Variants in TET1 observed in about 807,000 individuals in gnomAD.
TET1 encodes methylcytosine dioxygenase TET1.
TET1 carries 13 observed loss-of-function variants against 148.7 expected under a neutral mutation model. That is an observed-to-expected ratio of 0.09 (90% confidence interval 0.06 to 0.14). The LOEUF (loss-of-function observed/expected upper bound fraction) is 0.14. Ranked by LOEUF, TET1 falls within the 10% of genes least tolerant of loss-of-function variation. TET1 has a pLI of 1.00. For synonymous variants in TET1, 907 were observed against 937.2 expected (o/e 0.97, Z 0.59); for missense variants, 2,182 against 2,553.8 (o/e 0.85, Z 3.14).
intron 3 of TET1, chr10:68,632,513 AT>A: frequency 6.2e-7 from 1 of 1,613,012 alleles, no homozygotes; most frequent in South Asian, 1.1e-5. Flanking sequence ...GGCTTTGGAC[AT>A]TTTTTGTTCA....
intron 2 of TET1, among the ~76,000 whole-genome samples, chr10:68,580,307 T>C (rs1029575454): frequency 2.1e-5 from 3 of 145,556 alleles, no homozygotes; most frequent in African/African-American, 7.5e-5. Context: ...ATTTTTATTA[T>C]ATTCAATTTT....
At chr10:68,647,740 G>A (rs1165651895) in intron 4 of TET1, among the ~76,000 whole-genome samples, 3 of 152,144 alleles carry the variant, frequency 2.0e-5, no homozygotes, top group African/African-American at 4.8e-5. Context: ...TATAGAGAAT[G>A]TAAAACATAT....
rs751788677 is a variant in TET1, at chr10:68,652,520, G to T, written c.4387G>T (p.Ala1463Ser). The part of the protein sequence containing the change: ...MENRYGQKGN[A>S]IRIEIVVYTG... ...ACTCAGGTATGGTCAAAAAGGAAAC[G>T]CAATAAGGATAGAAATAGTAGTGTA... is the stretch of plus-strand genomic sequence containing the variant. The change falls in exon 6 of 12, where the codon GCA (alanine) becomes TCA (serine). Residue 1463 changes from alanine to serine, a missense_variant. Around this residue, in one of 11 missense-constraint regions of TET1, gnomAD observed 169 missense variants for 263.7 expected, o/e 0.64. Transcript: ENST00000373644. 3 of 1,610,642 alleles carry T rather than the reference G, an allele frequency of 1.9e-6. No individual in the cohort carries two copies. The highest frequency in any genetic ancestry group is 2.2e-5 in the East Asian group (1 of 44,730).
At chr10:68,623,341 G>T (rs1228929476) in intron 3 of TET1, among the ~76,000 whole-genome samples, 1 of 151,914 alleles carries the variant, frequency 6.6e-6, no homozygotes, top group Non-Finnish European at 1.5e-5. Context: ...TTATTCTATG[G>T]GCTATAAACT....
intron 3 of TET1, among the ~76,000 whole-genome samples, chr10:68,640,544 CTTTTTTTTTT>C (rs60460824): frequency 1.4e-3 from 61 of 42,884 alleles, no homozygotes; most frequent in Non-Finnish European, 1.8e-3. Context: ...TTCTTTCTTT[CTTTTTTTTTT>C]TTTTTTTTTT....
chr10:68,647,376 G>A (rs549583096), intron 4 of TET1, among the ~76,000 whole-genome samples: 2 of 152,196 alleles, frequency 1.3e-5, no homozygotes, highest in Non-Finnish European at 2.9e-5. Flanking sequence ...GGCCGAGTCA[G>A]ATGGATCACT....
intron 8 of TET1, among the ~76,000 whole-genome samples, chr10:68,676,634 C>T (rs983769641): frequency 6.6e-6 from 1 of 151,612 alleles, no homozygotes; most frequent in Admixed American, 6.6e-5. Context: ...AGGCTGGTCT[C>T]GAACTCCTGA....
chr10:68,679,999 C>T (rs116175625), intron 8 of TET1, among the ~76,000 whole-genome samples: 3 of 152,116 alleles, frequency 2.0e-5, no homozygotes, highest in Admixed American at 6.5e-5. Context: ...TAAACTACAA[C>T]GGCTAAGATA....
At chr10:68,629,378 A>C (rs985238940) in intron 3 of TET1, among the ~76,000 whole-genome samples, 1 of 151,938 alleles carries the variant, frequency 6.6e-6, no homozygotes, top group African/African-American at 2.4e-5. Context: ...AAATAATAAT[A>C]ATAATTAAAT....
intron 7 of TET1, 90 bp from the exon 8 acceptor site, chr10:68,672,805 C>A: frequency 1.9e-6 from 2 of 1,074,076 alleles, no homozygotes; most frequent in Non-Finnish European, 2.6e-6. Flanking sequence ...TTTAGGCATC[C>A]ATCCTTCTAA....
intron 6 of TET1, among the ~76,000 whole-genome samples, chr10:68,661,248 C>A (rs1195752280): frequency 1.5e-5 from 2 of 131,456 alleles, no homozygotes; most frequent in Non-Finnish European, 3.1e-5. Flanking sequence ...CGGGGTTTCA[C>A]CATGTTAGCC....
intron 3 of TET1, among the ~76,000 whole-genome samples, chr10:68,607,141 C>T (rs1035871214): frequency 2.7e-5 from 4 of 148,518 alleles, no homozygotes; most frequent in South Asian, 2.2e-4. Flanking sequence ...TGGAGTTGGA[C>T]GGGTTTAAGG....
chr10:68,592,360 G>A (rs1444555646), intron 2 of TET1, among the ~76,000 whole-genome samples: 3 of 152,124 alleles, frequency 2.0e-5, no homozygotes, highest in South Asian at 2.1e-4. Context: ...AGAGTTTCAG[G>A]TCTGGGACAA....
chr10:68,645,556 G>T lies in TET1; in HGVS notation c.2827G>T (p.Asp943Tyr). 6.2e-7 allele frequency: 1 copy of T among 1,614,124 alleles called. No homozygotes were observed. Among genetic ancestry groups the T allele is most frequent in the Non-Finnish European group, 8.5e-7 (1 of 1,180,030 alleles). Residue 943 changes from aspartate (D) to tyrosine (Y), a missense_variant, in exon 4 of 12, where the codon GAC becomes TAC. This residue lies in a region of TET1 where 582 missense variants were observed against 599.5 expected (regional missense o/e 0.97). Transcript: ENST00000373644. The stretch of plus-strand genomic sequence containing the variant: ...CTACACTGTAAGAAAAGACCTCCAA[G>T]ACCCAAACTTACAGGGAGAGCCACC... ...ILYTVRKDLQ[D>Y]PNLQGEPPKL...
At chr10:68,609,954 C>T (rs905224262) in intron 3 of TET1, among the ~76,000 whole-genome samples, 2 of 151,634 alleles carry the variant, frequency 1.3e-5, no homozygotes, top group Admixed American at 6.6e-5. Context: ...TTGAGACCAG[C>T]CTGGGCAACA....
At position 68,572,939 on chromosome 10, in the gene TET1, A is replaced by G. The variant is rs766665330; in HGVS notation, c.601A>G (p.Ile201Val). ...GTCCCAAAGAGTTGAGGATTCCAAG[A>G]TCAATATCCCTACCCACAGTGGCCC... ...FWSQRVEDSKINIPTHSGPAA... is the reference protein window; with the variant it reads ...FWSQRVEDSKVNIPTHSGPAA... The change falls in exon 2 of 12, where the codon ATC becomes GTC. Residue 201 changes from isoleucine (I) to valine (V), a missense_variant. Physicochemically the swap from Ile to Val is conservative, Grantham distance 29. This residue lies in a region of TET1 where 665 missense variants were observed against 672.4 expected (regional missense o/e 0.99). Transcript: ENST00000373644. 6.2e-7 allele frequency: 1 copy of G among 1,614,128 alleles called. No individual in the cohort carries two copies. Among genetic ancestry groups the G allele is most frequent in the South Asian group, 1.1e-5 (1 of 91,082 alleles).
At chr10:68,586,696 G>A (rs1033345128) in intron 2 of TET1, among the ~76,000 whole-genome samples, 2 of 150,928 alleles carry the variant, frequency 1.3e-5, no homozygotes, top group African/African-American at 4.9e-5. Flanking sequence ...TGTTTCTATG[G>A]TTAAGGAAAA....
intron 3 of TET1, among the ~76,000 whole-genome samples, chr10:68,609,624 T>G (rs1036464068): frequency 2.6e-5 from 4 of 152,202 alleles, no homozygotes; most frequent in African/African-American, 9.7e-5. Context: ...GAAGTTTTTG[T>G]CATCTATGTG....
intron 6 of TET1, among the ~76,000 whole-genome samples, chr10:68,666,497 G>GT (rs1184768680): frequency 1.3e-5 from 2 of 152,106 alleles, no homozygotes; most frequent in Non-Finnish European, 2.9e-5. Context: ...ACATTAGATG[G>GT]TTTTTTTCCA....
Sources: allele counts gnomAD v4.1 joint callset (sites outside exome capture counted in the v4.1 genomes callset), GRCh38; gene constraint gnomAD v4.1.1; regional missense constraint gnomAD v4.1.1; transcripts MANE v1.5; gene names NCBI Gene and HGNC (gene_info 2026-07-23, HGNC 2026-07-21).